The following ZFAND3 variants were observed in gnomAD, a reference collection of about 807,000 sequenced individuals.
The protein encoded by ZFAND3 is AN1-type zinc finger protein 3.
Under a neutral mutation model 29.6 loss-of-function variants are expected in ZFAND3, and 10 were observed. That is an observed-to-expected ratio of 0.34 (90% CI 0.21 to 0.57). The LOEUF is 0.57. Ranked by LOEUF, ZFAND3 falls within the 20% of genes least tolerant of loss-of-function variation. The pLI is 0.86. For synonymous variants in ZFAND3, 128 were observed against 112.6 expected, an observed-to-expected ratio of 1.14 and a Z score of -0.87; for missense variants, 230 against 304.5, an observed-to-expected ratio of 0.76 and a Z score of 1.82.
rs556466137 is a variant in ZFAND3, at chr6:37,981,649, A to G, written c.112+51650A>G. On this transcript the variant is annotated intron_variant, in intron 2 of 5. Coordinates refer to ENST00000287218, the MANE Select transcript of ZFAND3 (RefSeq NM_021943.3). Reference sequence around the variant, plus strand: ...TTTTTGATGGGAAACACCAAAATATATAGTGTTTGACTCTGGGTGGTGGCT... The same window carrying G: ...TTTTTGATGGGAAACACCAAAATATGTAGTGTTTGACTCTGGGTGGTGGCT... Among the ~76,000 whole-genome samples the G allele has an allele frequency of 2.0e-5, 3 of 152,326 alleles. 1 individual carries two copies. Among genetic ancestry groups the G allele is most frequent in the South Asian group, 4.2e-4 (2 of 4,814 alleles).
chr6:37,924,181 C>T (rs1293115415), intron 1 of ZFAND3, among the ~76,000 whole-genome samples: 1 of 152,072 alleles, frequency 6.6e-6, no homozygotes, highest in African/African-American at 2.4e-5. Flanking sequence ...CGTTATCTAC[C>T]AGCCATAGGT....
At chr6:37,929,726 T>TA (rs1761556998) in intron 1 of ZFAND3, among the ~76,000 whole-genome samples, 1 of 151,530 alleles carries the variant, frequency 6.6e-6, no homozygotes, top group South Asian at 2.1e-4. Context: ...AATTTACAGG[T>TA]AAAAAATAAA....
At chr6:38,056,122 T>C (rs1016780394) in intron 2 of ZFAND3, among the ~76,000 whole-genome samples, 6 of 152,228 alleles carry the variant, frequency 3.9e-5, no homozygotes, top group Admixed American at 3.9e-4. Context: ...TTCTATGATA[T>C]AACTTAAGGA....
chr6:38,088,185 A>G (rs546557506), intron 4 of ZFAND3: 2 of 152,366 alleles, frequency 1.3e-5, no homozygotes, highest in Non-Finnish European at 2.9e-5. Context: ...TTATTCAACC[A>G]TAAGAAAGAA....
At chr6:38,140,202 AAG>A (rs1267865181) in intron 5 of ZFAND3, among the ~76,000 whole-genome samples, 2 of 152,222 alleles carry the variant, frequency 1.3e-5, no homozygotes, top group Admixed American at 1.3e-4. Flanking sequence ...TGGAGCTCCA[AAG>A]AGAGGTCTGG....
intron 2 of ZFAND3, among the ~76,000 whole-genome samples, chr6:38,019,412 T>C (rs1561968386): frequency 1.3e-5 from 2 of 152,226 alleles, no homozygotes; most frequent in Non-Finnish European, 2.9e-5. Flanking sequence ...GTCTTTTTTA[T>C]TTGTGGGAGC....
At chr6:38,059,801 G>T (rs1030330814) in intron 2 of ZFAND3, among the ~76,000 whole-genome samples, 1 of 152,116 alleles carries the variant, frequency 6.6e-6, no homozygotes, top group Non-Finnish European at 1.5e-5. Context: ...GCTTGAGCCT[G>T]GGAGACGGAG....
chr6:37,908,551 AAAAAAAAAGAAAAAAAAG>A (rs1233005338), intron 1 of ZFAND3, among the ~76,000 whole-genome samples: 4 of 114,176 alleles, frequency 3.5e-5, no homozygotes, highest in Non-Finnish European at 5.1e-5. Context: ...TTAAAAAAAA[AAAAAAAAAGAAAAAAAAG>A]AAAATAATTA....
chr6:37,881,820 C>G (rs1764901005), intron 1 of ZFAND3, among the ~76,000 whole-genome samples: 1 of 151,862 alleles, frequency 6.6e-6, no homozygotes, highest in Admixed American at 6.6e-5. Flanking sequence ...GAGTTGAATG[C>G]TGTTTGTATT....
chr6:38,035,521 A>G (rs73417996), intron 2 of ZFAND3, among the ~76,000 whole-genome samples: 10,389 of 152,306 alleles, frequency 0.068, 428 homozygotes, highest in Non-Finnish European at 0.087. Context: ...CCATGTTCTG[A>G]GTTATCAATA....
rs1299958076 is a variant in ZFAND3, at chr6:37,820,000, C to T, written c.55C>T (p.Pro19Ser). 2 of 1,221,556 alleles carry T rather than the reference C, an allele frequency of 1.6e-6. No individual in the cohort carries two copies. Among genetic ancestry groups the T allele is most frequent in the Non-Finnish European group, 1.0e-6 (1 of 981,434 alleles). 75.7% of individuals were successfully genotyped at this position (1,221,556 alleles called of 1,614,324 possible). Residue 19 changes from proline (P) to serine (S), a missense_variant, in exon 1 of 6, where the codon CCC (proline) becomes TCC (serine). Transcript: ENST00000287218. ...AGCGCCCAGCCTGCCGCCTCGCTGT[C>T]CCTGCGGCTTCTGGGGGTAAGTGCC... Reference protein sequence around the residue: ...SKAPSLPPRCPCGFWGSSKTM... With the variant: ...SKAPSLPPRCSCGFWGSSKTM...
At chr6:38,147,264 G>A (rs1352355002) in intron 5 of ZFAND3, among the ~76,000 whole-genome samples, 1 of 152,162 alleles carries the variant, frequency 6.6e-6, no homozygotes, top group Non-Finnish European at 1.5e-5. Context: ...TGTGCCTGGT[G>A]TATTTCACTT....
chr6:37,977,900 C>CT (rs200661046), intron 2 of ZFAND3, among the ~76,000 whole-genome samples: 8,891 of 139,812 alleles, frequency 0.064, 390 homozygotes, highest in Non-Finnish European at 0.084. Flanking sequence ...CTCCTCTCCT[C>CT]TCCTCTTCCT....
At chr6:37,984,140 G>T (rs1383951775) in intron 2 of ZFAND3, among the ~76,000 whole-genome samples, 2 of 152,176 alleles carry the variant, frequency 1.3e-5, no homozygotes, top group Non-Finnish European at 2.9e-5. Flanking sequence ...GGAAAAATAA[G>T]ATCGCTAAAC....
At chr6:37,887,694 G>T (rs544544663) in intron 1 of ZFAND3, among the ~76,000 whole-genome samples, 1 of 152,306 alleles carries the variant, frequency 6.6e-6, no homozygotes, top group East Asian at 1.9e-4. Context: ...TCTGTTAAAT[G>T]ATTATTTTAT....
chr6:37,860,111 T>C (rs1017286197), intron 1 of ZFAND3, among the ~76,000 whole-genome samples: 39 of 149,700 alleles, frequency 2.6e-4, no homozygotes, highest in Middle Eastern at 3.4e-3. Context: ...CCTCAGGTGA[T>C]CCACCCGCCT....
intron 2 of ZFAND3, among the ~76,000 whole-genome samples, chr6:38,023,611 AT>A (rs1265971981): frequency 6.6e-6 from 1 of 152,184 alleles, no homozygotes; most frequent in Non-Finnish European, 1.5e-5. Context: ...ACTTTTTGGC[AT>A]AGGCAAGGAA....
chr6:37,894,349 T>G (rs950701533), intron 1 of ZFAND3, among the ~76,000 whole-genome samples: 1 of 151,994 alleles, frequency 6.6e-6, no homozygotes, highest in Non-Finnish European at 1.5e-5. Flanking sequence ...TCATTTGGTA[T>G]AATTCTCCTG....
chr6:37,866,364 A>G lies in ZFAND3; in HGVS notation c.71+46348A>G, dbSNP rs16890215. Among the ~76,000 whole-genome samples the G allele has an allele frequency of 0.017, 2,597 of 152,260 alleles. 255 individuals are homozygous for G. In the East Asian group the frequency reaches 0.28, roughly 16 times the overall value. ...GTTTGGTCTATATATAGTTTGCCCAATGTTGTTATATGATGTGGTATTTGA... is the reference window on the plus strand; with the variant it reads ...GTTTGGTCTATATATAGTTTGCCCAGTGTTGTTATATGATGTGGTATTTGA... On this transcript the variant is annotated intron_variant, in intron 1 of 5. Coordinates refer to ENST00000287218, the MANE Select transcript of ZFAND3 (RefSeq NM_021943.3).
Sources: allele counts gnomAD v4.1 joint callset (sites outside exome capture counted in the v4.1 genomes callset), GRCh38; gene constraint gnomAD v4.1.1; transcripts MANE v1.5; gene names NCBI Gene and HGNC (gene_info 2026-07-23, HGNC 2026-07-21).